The following PAK4 variants were observed in gnomAD, a reference collection of about 807,000 sequenced individuals.
PAK4 encodes the protein serine/threonine-protein kinase PAK 4.
A neutral mutation model predicts 53.5 loss-of-function variants in PAK4; 49 were observed. The ratio of observed to expected loss-of-function variants is 0.92; its 90% CI spans 0.73 to 1.16. PAK4 has a LOEUF of 1.16. Ranked by LOEUF, PAK4 falls within the 50% of genes most tolerant of loss-of-function variation. The pLI is 0.00. For missense variants in PAK4, 824 were observed against 850.7 expected (o/e 0.97, Z 0.39); for synonymous variants, 376 against 375.6 (o/e 1.00, Z -0.01).
chr19:39,169,505 C>T (rs2074435142), intron 1 of PAK4, 27 bp from the exon 3 acceptor site: 2 of 1,523,880 alleles, frequency 1.3e-6, no homozygotes, highest in South Asian at 2.3e-5. Flanking sequence ...CAGGCTCTCA[C>T]TCACCCACCG....
chr19:39,148,020 C>T (rs1470762025), intron 1 of PAK4, among the ~76,000 whole-genome samples: 5 of 144,638 alleles, frequency 3.5e-5, no homozygotes, highest in African/African-American at 7.8e-5. Flanking sequence ...GGTGTGATCT[C>T]GGTTCACTGT....
Position 39,163,459 on chromosome 19 carries a change from C to T in PAK4, c.-22-6073C>T, listed in dbSNP as rs570125243. Among the ~76,000 whole-genome samples, 8 of 151,840 alleles carry T rather than the reference C, an allele frequency of 5.3e-5. No individual in the cohort carries two copies. In the East Asian group the frequency reaches 5.8e-4, roughly 11 times the overall value. ...TGCTGACACTGACAGCTTTGTCGCA[C>T]GGTGGATCTTGCTTTTCCATTTGGG... On this transcript the variant is annotated intron_variant, in intron 1 of 8. Transcript: ENST00000358301.
At chr19:39,182,401 C>G (rs2074707724), downstream of PAK4, 1 of 152,254 alleles carries the variant, frequency 6.6e-6, no homozygotes, top group Non-Finnish European at 1.5e-5. Flanking sequence ...ATTCTCCACT[C>G]TTGCTCTTTC....
At chr19:39,176,222 C>A (rs559900911) in intron 6 of PAK4, among the ~76,000 whole-genome samples, 86 of 152,336 alleles carry the variant, frequency 5.6e-4, no homozygotes, top group Non-Finnish European at 1.1e-3. Context: ...CTGCTCCAAC[C>A]GAACTAAAGA....
At chr19:39,160,434 A>G (rs936400379) in intron 1 of PAK4, among the ~76,000 whole-genome samples, 1 of 152,170 alleles carries the variant, frequency 6.6e-6, no homozygotes, top group East Asian at 1.9e-4. Flanking sequence ...TAGGTGTAGG[A>G]TGCCAGGGGG....
chr19:39,144,117 T>TAGATAGACAGAC (rs1241014432), intron 1 of PAK4, among the ~76,000 whole-genome samples: 9 of 124,450 alleles, frequency 7.2e-5, no homozygotes, highest in African/African-American at 2.4e-4. Context: ...GATAGATAGA[T>TAGATAGACAGAC]AGACAGACAG....
chr19:39,147,764 G>T (rs975601113), intron 1 of PAK4, among the ~76,000 whole-genome samples: 73 of 148,956 alleles, frequency 4.9e-4, no homozygotes, highest in African/African-American at 7.5e-4. Context: ...GTGCTTATCT[G>T]CCATCTGTGT....
intron 1 of PAK4, chr19:39,168,980 T>G: frequency 6.5e-6 from 1 of 154,426 alleles, no homozygotes. Context: ...CCAGCCAGAA[T>G]GTGGCACTGA....
chr19:39,178,105 G>T lies in PAK4; in HGVS notation c.1620+296G>T, dbSNP rs532610731. 3.2e-4 allele frequency among the ~76,000 whole-genome samples: 49 copies of T among 152,248 alleles called. No individual in the cohort carries two copies. The highest frequency in any genetic ancestry group is 1.2e-3 in the African/African-American group (48 of 41,524). ...GGAGGACAGGGCCGGGACCTTCCTA[G>T]TGGAGGACTTGCCAGGAGGGAAAGG... On this transcript the variant is annotated intron_variant, in intron 8 of 8. Coordinates refer to ENST00000358301, the Ensembl canonical transcript of PAK4. This position sits in a 1 kb window ranked among gnomAD's most constrained non-coding sequence, Gnocchi z 4.4.
At chr19:39,131,258 AC>A (rs925677484) in intron 1 of PAK4, among the ~76,000 whole-genome samples, 2 of 152,062 alleles carry the variant, frequency 1.3e-5, no homozygotes, top group African/African-American at 4.8e-5. Context: ...GCTGGTTCTT[AC>A]CCAGGCTCCT....
chr19:39,129,371 C>G (rs1013008258), intron 1 of PAK4, among the ~76,000 whole-genome samples: 3 of 151,980 alleles, frequency 2.0e-5, no homozygotes, highest in Non-Finnish European at 2.9e-5. Flanking sequence ...GGAGCTATAA[C>G]CGTGCAGCAG....
intron 1 of PAK4, among the ~76,000 whole-genome samples, chr19:39,130,750 A>G (rs1245804013): frequency 6.6e-6 from 1 of 151,966 alleles, no homozygotes; most frequent in Non-Finnish European, 1.5e-5. Flanking sequence ...GGTGTTGGAT[A>G]CAGCAGGGCC....
chr19:39,145,984 A>T (rs932098300), intron 1 of PAK4, among the ~76,000 whole-genome samples: 1 of 152,216 alleles, frequency 6.6e-6, no homozygotes, highest in Non-Finnish European at 1.5e-5. Flanking sequence ...TGTTGGCCTC[A>T]GTTTCCCCAT....
At chr19:39,176,454 C>A (rs2144877761) in intron 6 of PAK4, 136 bp from the exon 8 acceptor site, 1 of 1,208,554 alleles carries the variant, frequency 8.3e-7, no homozygotes, top group Non-Finnish European at 1.2e-6. Flanking sequence ...TAGACCCCAG[C>A]TCTGACCCTA....
intron 1 of PAK4, among the ~76,000 whole-genome samples, chr19:39,128,176 A>G (rs1235355302): frequency 2.0e-5 from 3 of 152,214 alleles, no homozygotes; most frequent in Non-Finnish European, 2.9e-5. Flanking sequence ...GCATAGTGTT[A>G]GCGCTGCCTC....
chr19:39,169,106 C>T (rs895955193), intron 1 of PAK4, among the ~76,000 whole-genome samples: 10 of 152,086 alleles, frequency 6.6e-5, no homozygotes, highest in Admixed American at 1.3e-4. Flanking sequence ...CGGCGGGACA[C>T]GGGGCTCTTT....
intron 1 of PAK4, among the ~76,000 whole-genome samples, chr19:39,127,029 T>C (rs534689561): frequency 6.6e-6 from 1 of 151,994 alleles, no homozygotes; most frequent in Non-Finnish European, 1.5e-5. Flanking sequence ...CCTGGGCGGA[T>C]CGGATTGTCT....
rs546236031 is a variant in PAK4, at chr19:39,175,288, C to T, written c.1233-24C>T. ...CCCCGGGGTGCTGTCCAGCTGGCTG[C>T]TCACCCCCCACCCCACCCCGCAGGA... On this transcript the variant is annotated intron_variant, in intron 5 of 8. Transcript: ENST00000358301. The surrounding 1 kb of genome is among the most constrained non-coding windows in gnomAD (Gnocchi z 4.7). 20 of 1,558,312 alleles carry T rather than the reference C, an allele frequency of 1.3e-5. No individual in the cohort carries two copies. In the Admixed American group the frequency reaches 3.8e-4, roughly 30 times the overall value.
intron 1 of PAK4, among the ~76,000 whole-genome samples, chr19:39,147,841 G>GT (rs35845376): frequency 0.14 from 1,811 of 13,230 alleles, 338 homozygotes; most frequent in Non-Finnish European, 0.19. Context: ...TTGTTTTCGG[G>GT]TTTTTTTTTT....
Sources: gnomAD v4.1 joint callset for allele counts (sites outside exome capture counted in the v4.1 genomes callset) on GRCh38, gnomAD v4.1.1 for gene constraint, Gnocchi (gnomAD v3.1) non-coding constraint, MANE v1.5 for transcripts, NCBI Gene and HGNC (gene_info 2026-07-23, HGNC 2026-07-21) for gene names.